NTM: variants seen among roughly 807,000 people sequenced by gnomAD.
The protein encoded by NTM is IgLON family member 2.
A neutral mutation model predicts 42.1 loss-of-function variants in NTM; 13 were observed. The observed-to-expected ratio is 0.31, with a 90% CI of 0.20 to 0.49. The LOEUF is 0.49. Among genes scored for constraint, NTM ranks in the 20% least tolerant of loss-of-function variants. NTM has a pLI of 0.99. For synonymous variants in NTM, 187 were observed against 179.2 expected (o/e 1.04, Z -0.35); for missense variants, 373 against 452.8 (o/e 0.82, Z 1.60).
intron 1 of NTM, among the ~76,000 whole-genome samples, chr11:131,501,571 A>G (rs1351068146): frequency 6.6e-6 from 1 of 152,182 alleles, no homozygotes; most frequent in Non-Finnish European, 1.5e-5. Flanking sequence ...GATCTGATTT[A>G]TATGTTCAAA....
chr11:131,780,268 G>A (rs541534550), intron 1 of NTM, among the ~76,000 whole-genome samples: 24 of 152,282 alleles, frequency 1.6e-4, no homozygotes, highest in East Asian at 7.7e-4. Context: ...GGGACAGCAG[G>A]TGCAGAGAGG....
At chr11:132,260,522 G>T (rs1005498046) in intron 4 of NTM, among the ~76,000 whole-genome samples, 3 of 151,972 alleles carry the variant, frequency 2.0e-5, no homozygotes, top group Non-Finnish European at 4.4e-5. Flanking sequence ...AGAAGTAAGA[G>T]AAACCAAAAA....
intron 2 of NTM, among the ~76,000 whole-genome samples, chr11:132,118,861 C>G (rs774527718): frequency 6.6e-6 from 1 of 151,730 alleles, no homozygotes; most frequent in Non-Finnish European, 1.5e-5. Flanking sequence ...ATTGGATTCC[C>G]GGGATTTTGT....
chr11:131,441,286 C>T (rs1021472033), intron 1 of NTM, among the ~76,000 whole-genome samples: 1 of 152,216 alleles, frequency 6.6e-6, no homozygotes, highest in Non-Finnish European at 1.5e-5. Context: ...ACTCTCATTT[C>T]TATTCTTGCT....
chr11:131,644,093 C>T (rs1027536446), intron 1 of NTM, among the ~76,000 whole-genome samples: 3 of 152,136 alleles, frequency 2.0e-5, no homozygotes, highest in African/African-American at 7.2e-5. Context: ...GGTATGGCTT[C>T]GGCTGAATGT....
At chr11:131,656,819 G>A (rs1031009323) in intron 1 of NTM, among the ~76,000 whole-genome samples, 1 of 152,156 alleles carries the variant, frequency 6.6e-6, no homozygotes, top group African/African-American at 2.4e-5. Context: ...GTTTGGAGTA[G>A]GTATGCAACT....
intron 1 of NTM, among the ~76,000 whole-genome samples, chr11:131,867,414 C>A (rs542411394): frequency 1.3e-5 from 2 of 151,420 alleles, no homozygotes; most frequent in African/African-American, 4.9e-5. Flanking sequence ...TGTGTGTTTA[C>A]GTCTGTGTGT....
At chr11:131,590,987 G>A (rs940345268) in intron 1 of NTM, among the ~76,000 whole-genome samples, 19 of 152,190 alleles carry the variant, frequency 1.2e-4, no homozygotes, top group African/African-American at 4.3e-4. Flanking sequence ...CAGGAGAAGG[G>A]CTCCGGGTAA....
At chr11:132,214,180 G>A (rs551194261) in intron 4 of NTM, among the ~76,000 whole-genome samples, 1 of 152,294 alleles carries the variant, frequency 6.6e-6, no homozygotes, top group African/African-American at 2.4e-5. Context: ...GATCATTAGT[G>A]ATGGAAAATG....
At chr11:132,280,366 T>C (rs2093921941) in intron 4 of NTM, among the ~76,000 whole-genome samples, 1 of 151,928 alleles carries the variant, frequency 6.6e-6, no homozygotes, top group Admixed American at 6.6e-5. Flanking sequence ...TGCAGTTTGC[T>C]CGCCTAGGGT....
chr11:131,828,416 TTCACCATCA>T (rs991081308), intron 1 of NTM, among the ~76,000 whole-genome samples: 2 of 151,972 alleles, frequency 1.3e-5, no homozygotes, highest in African/African-American at 4.8e-5. Context: ...CACTACCACC[TTCACCATCA>T]TCACCACCAC....
chr11:131,803,175 C>T (rs1440021106), intron 1 of NTM, among the ~76,000 whole-genome samples: 1 of 152,158 alleles, frequency 6.6e-6, no homozygotes, highest in Non-Finnish European at 1.5e-5. Flanking sequence ...CACTGACAAA[C>T]TTAATTGAGA....
chr11:131,622,704 C>T (rs1253612795), intron 1 of NTM, among the ~76,000 whole-genome samples: 3 of 152,158 alleles, frequency 2.0e-5, no homozygotes, highest in East Asian at 1.9e-4. Context: ...CCACTGTTTT[C>T]GGTCATGTTC....
chr11:131,961,787 A>C (rs1301053171), intron 2 of NTM, among the ~76,000 whole-genome samples: 2 of 152,200 alleles, frequency 1.3e-5, no homozygotes, highest in Admixed American at 1.3e-4. Flanking sequence ...GTAATTCCCC[A>C]TGCCATGCAA....
At chr11:132,156,893 G>A (rs2073310909) in intron 3 of NTM, among the ~76,000 whole-genome samples, 1 of 152,194 alleles carries the variant, frequency 6.6e-6, no homozygotes, top group African/African-American at 2.4e-5. Context: ...AGATTTGATA[G>A]GAACACACAC....
At chr11:131,515,236 T>A (rs556423783) in intron 1 of NTM, among the ~76,000 whole-genome samples, 109 of 152,184 alleles carry the variant, frequency 7.2e-4, no homozygotes, top group African/African-American at 2.5e-3. Context: ...TGATTCTGGA[T>A]TTGTACCAAG....
intron 1 of NTM, among the ~76,000 whole-genome samples, chr11:131,526,773 A>G (rs1170203269): frequency 1.3e-5 from 2 of 152,248 alleles, no homozygotes; most frequent in African/African-American, 4.8e-5. Context: ...AATATTAACA[A>G]GTGTCAGCAT....
intron 1 of NTM, among the ~76,000 whole-genome samples, chr11:131,864,098 G>A (rs1279962445): frequency 6.6e-6 from 1 of 152,130 alleles, no homozygotes; most frequent in East Asian, 1.9e-4. Context: ...GAGGCAGGGA[G>A]TTAGATCAGT....
intron 1 of NTM, among the ~76,000 whole-genome samples, chr11:131,800,556 C>T (rs1007547544): frequency 2.0e-5 from 3 of 152,206 alleles, no homozygotes; most frequent in Non-Finnish European, 2.9e-5. Context: ...GGTTTTGCTG[C>T]TTTTAATCAT....
Sources: allele counts gnomAD v4.1 joint callset (sites outside exome capture counted in the v4.1 genomes callset), GRCh38; gene constraint gnomAD v4.1.1; transcripts MANE v1.5; gene names NCBI Gene and HGNC (gene_info 2026-07-23, HGNC 2026-07-21).